Variants in CUBN observed in about 807,000 individuals in gnomAD.
CUBN encodes cubilin.
In CUBN, 282 loss-of-function variants were observed where a neutral mutation model predicts 405.3. The observed-to-expected ratio is 0.70, with a 90% CI of 0.63 to 0.77. The LOEUF (loss-of-function observed/expected upper bound fraction) is 0.77. Among genes scored for constraint, CUBN ranks in the 30% least tolerant of loss-of-function variants. The pLI is 0.00. For synonymous variants in CUBN, 1,684 were observed against 1,617.0 expected (o/e 1.04, Z -0.99); for missense variants, 4,514 against 4,475.2 (o/e 1.01, Z -0.25).
intron 31 of CUBN, among the ~76,000 whole-genome samples, chr10:16,977,733 G>A (rs1227958383): frequency 6.6e-6 from 1 of 152,182 alleles, no homozygotes; most frequent in African/African-American, 2.4e-5. Flanking sequence ...TAGGGCTCTG[G>A]GAGTTGTAGG....
chr10:16,865,528 C>G (rs1169400582), intron 59 of CUBN, among the ~76,000 whole-genome samples: 1 of 152,044 alleles, frequency 6.6e-6, no homozygotes, highest in East Asian at 1.9e-4. Context: ...GTTGGACTTC[C>G]TGGGTCAAGT....
chr10:17,089,902 A>G (rs1372591756), intron 14 of CUBN, among the ~76,000 whole-genome samples: 1 of 152,156 alleles, frequency 6.6e-6, no homozygotes, highest in Non-Finnish European at 1.5e-5. Context: ...AGGCAGGAAT[A>G]TCATTTGAGC....
rs1415103681 is a variant in CUBN, at chr10:16,869,676, C to A, written c.9414G>T (p.Gln3138His). Reference protein sequence around the residue: ...MLLVFKTDSFQTAKGWKMSFR... With the variant: ...MLLVFKTDSFHTAKGWKMSFR... The stretch of plus-strand genomic sequence containing the variant: ...AAGACATCTTCCAGCCTTTTGCTGT[C>A]TGAAATGAATCTGTCTTGAACACCA... Residue 3138 changes from glutamine (Q) to histidine (H), a missense_variant, in exon 59 of 67, where the codon CAG (glutamine) becomes CAT (histidine). Around this residue, in one of 5 missense-constraint regions of CUBN, gnomAD observed 1,186 missense variants for 1,186.9 expected, o/e 1.00. Transcript: ENST00000377833. The A allele has an allele frequency of 1.9e-6, 3 of 1,613,864 alleles. No individual in the cohort carries two copies. The Admixed American group carries it at 5.0e-5, about 27-fold the overall frequency.
intron 59 of CUBN, among the ~76,000 whole-genome samples, chr10:16,868,716 G>A (rs1840258103): frequency 6.6e-6 from 1 of 152,004 alleles, no homozygotes; most frequent in African/African-American, 2.4e-5. Context: ...CACATGCAGT[G>A]GGAGTAATCT....
intron 57 of CUBN, 70 bp from the exon 58 acceptor site, chr10:16,874,573 G>C: frequency 1.3e-6 from 2 of 1,566,980 alleles, no homozygotes; most frequent in Non-Finnish European, 1.8e-6. Context: ...GATTTTAAGA[G>C]ATTCTATACT....
chr10:16,967,867 G>T (rs1235133671), intron 31 of CUBN, among the ~76,000 whole-genome samples: 5 of 149,966 alleles, frequency 3.3e-5, no homozygotes, highest in Admixed American at 1.3e-4. Flanking sequence ...GAGAAGGAGA[G>T]ACAGGGAGAG....
chr10:16,825,074 G>A lies in CUBN; in HGVS notation c.10773C>T (p.Ser3591=), dbSNP rs1838734952. The A allele has an allele frequency of 1.2e-6, 2 of 1,611,236 alleles. No individual in the cohort carries two copies. The highest frequency in any genetic ancestry group is 1.3e-5 in the African/African-American group (1 of 74,762). Residue 3591 remains serine, a synonymous_variant, in exon 67 of 67, where the codon AGC becomes AGT. Transcript: ENST00000377833. The stretch of plus-strand genomic sequence containing the variant: ...TTGAGGAAGCCACGAAGGGAGCTAT[G>A]CTGGTGTCCTAAAATTGAAAAAAAA... ...SSGPYCGGDT[S]IAPFVASSNQ...
chr10:16,825,124 A>T (rs757683129), intron 66 of CUBN, 42 bp from the exon 67 acceptor site: 2 of 1,418,916 alleles, frequency 1.4e-6, no homozygotes, highest in East Asian at 2.3e-5. Context: ...TATTTCACAT[A>T]TTTGAACGTT....
intron 21 of CUBN, 37 bp from the exon 22 acceptor site, chr10:17,065,675 T>C (rs1835599370): frequency 1.9e-6 from 3 of 1,611,644 alleles, no homozygotes; most frequent in African/African-American, 1.3e-5. Flanking sequence ...GTGTGTATTT[T>C]AGTTTGGTAT....
chr10:16,995,629 C>T (rs929435036), intron 28 of CUBN, among the ~76,000 whole-genome samples: 4 of 152,060 alleles, frequency 2.6e-5, no homozygotes, highest in Non-Finnish European at 2.9e-5. Flanking sequence ...CACACCTGGC[C>T]GTGTTTTGTA....
chr10:17,097,864 T>C (rs1836408822), intron 14 of CUBN, among the ~76,000 whole-genome samples: 1 of 152,070 alleles, frequency 6.6e-6, no homozygotes, highest in South Asian at 2.1e-4. Context: ...ACAAAAGGTG[T>C]GGGTTTTTTT....
intron 41 of CUBN, among the ~76,000 whole-genome samples, chr10:16,927,727 A>G (rs1162259419): frequency 6.6e-6 from 1 of 152,158 alleles, no homozygotes; most frequent in Admixed American, 6.5e-5. Flanking sequence ...AGAGCAACAA[A>G]CTCTTCCTGC....
intron 28 of CUBN, among the ~76,000 whole-genome samples, chr10:16,991,039 T>C (rs565620796): frequency 8.9e-5 from 13 of 145,732 alleles, no homozygotes; most frequent in African/African-American, 3.2e-4. Context: ...GTAAATTATA[T>C]AGTTCCTAAC....
chr10:16,873,721 C>CAA lies in CUBN; in HGVS notation c.9236+651_9236+652dup, dbSNP rs56307605. Among the ~76,000 whole-genome samples, 872 of 116,326 alleles carry CAA rather than the reference C, an allele frequency of 7.5e-3. 8 individuals carry two copies. Among genetic ancestry groups the CAA allele is most frequent in the East Asian group, 0.033 (147 of 4,444 alleles). The allele number at this position is 116,326 out of a possible 152,430, so 76.3% of individuals were successfully genotyped here. ...TGGGTGACAAAGTGAGACCTTCTCT[C>CAA]AAAAAAAAAAAAAAAAGAAAAGAAA... On this transcript the variant is annotated intron_variant, in intron 58 of 66. Coordinates refer to ENST00000377833, the MANE Select transcript of CUBN (RefSeq NM_001081.4).
rs749220305 is a variant in CUBN, at chr10:17,110,994, C to T, written c.940G>A (p.Gly314Ser). The T allele has an allele frequency of 1.2e-6, 2 of 1,614,108 alleles. No individual in the cohort carries two copies. Among genetic ancestry groups the T allele is most frequent in the South Asian group, 1.1e-5 (1 of 91,070 alleles). The change falls in exon 9 of 67, where the codon GGC (glycine) becomes AGC (serine). Residue 314 changes from glycine (G) to serine (S), a missense_variant. Around this residue, in one of 5 missense-constraint regions of CUBN, gnomAD observed 1,448 missense variants for 1,388.0 expected, o/e 1.04. Coordinates refer to ENST00000377833, the MANE Select transcript of CUBN (RefSeq NM_001081.4). ...ACGGGTGGAGCCACAGAACAGCCGC[C>T]GTTATTTATCTCACATTCATTGATA... is the stretch of plus-strand genomic sequence containing the variant. ...EDINECEINNGGCSVAPPVEC... is the reference protein window; with the variant it reads ...EDINECEINNSGCSVAPPVEC...
chr10:17,022,235 C>T (rs1035464432), intron 27 of CUBN, among the ~76,000 whole-genome samples: 1 of 152,140 alleles, frequency 6.6e-6, no homozygotes, highest in African/African-American at 2.4e-5. Context: ...CTCAAATCGG[C>T]TGCTCATCAT....
At chr10:16,875,095 A>G (rs910845302) in intron 57 of CUBN, among the ~76,000 whole-genome samples, 1 of 152,002 alleles carries the variant, frequency 6.6e-6, no homozygotes, top group Non-Finnish European at 1.5e-5. Flanking sequence ...GGTAAGGACT[A>G]AACTTGCCCC....
intron 28 of CUBN, among the ~76,000 whole-genome samples, chr10:17,002,511 C>A (rs1388712286): frequency 1.3e-5 from 2 of 151,926 alleles, no homozygotes; most frequent in African/African-American, 4.8e-5. Flanking sequence ...AGAACTCCAA[C>A]TTTTTCAAAC....
At chr10:17,081,063 A>G (rs1428777861) in intron 17 of CUBN, among the ~76,000 whole-genome samples, 2 of 151,368 alleles carry the variant, frequency 1.3e-5, no homozygotes, top group Non-Finnish European at 3.0e-5. Flanking sequence ...AAAAAAAAAG[A>G]AAGATATGCT....
Sources: gnomAD v4.1 joint callset for allele counts (sites outside exome capture counted in the v4.1 genomes callset) on GRCh38, gnomAD v4.1.1 for gene constraint, gnomAD v4.1.1 regional missense constraint, MANE v1.5 for transcripts, NCBI Gene and HGNC (gene_info 2026-07-23, HGNC 2026-07-21) for gene names.